WDR7: variants seen among roughly 807,000 people sequenced by gnomAD.
The protein encoded by WDR7 is WD repeat domain 7.
A neutral mutation model predicts 169.4 loss-of-function variants in WDR7; 46 were observed. The ratio of observed to expected loss-of-function variants is 0.27; its 90% confidence interval spans 0.21 to 0.35. The LOEUF is 0.35. WDR7 is among the 10% of genes least tolerant of loss of function. The probability of loss-of-function intolerance (pLI) is 1.00; values close to 1 mark genes in which losing one functional copy is unlikely to be tolerated. For synonymous variants in WDR7, 612 were observed against 666.8 expected, an observed-to-expected ratio of 0.92 and a Z score of 1.27; for missense variants, 1,534 against 1,859.3, an observed-to-expected ratio of 0.83 and a Z score of 3.22.
In WDR7 at chr18:56,765,063, C is replaced by T. The variant is rs185115594; in HGVS notation, c.2848+6110C>T. On this transcript the variant is annotated intron_variant, in intron 16 of 27. Coordinates refer to ENST00000254442, the MANE Select transcript of WDR7 (RefSeq NM_015285.3). ...TTTGTTTATAATAATACAGTAATTT[C>T]AGCATTTTTGGCTACTGTTAACATA... Among the ~76,000 whole-genome samples, 380 of 152,194 alleles carry T rather than the reference C, an allele frequency of 2.5e-3. 2 individuals carry two copies. Among genetic ancestry groups the T allele is most frequent in the African/African-American group, 8.7e-3 (360 of 41,538 alleles).
rs765097662 is a variant in WDR7 at position 56,691,299 on chromosome 18, A to G, written c.801A>G (p.Ser267=). 1.9e-6 allele frequency: 3 copies of G among 1,608,380 alleles called. No homozygotes were observed. Among genetic ancestry groups the G allele is most frequent in the Non-Finnish European group, 2.5e-6 (3 of 1,178,916 alleles). ...GQTWTGGDFV[S]SDKVIIWTEN... The stretch of plus-strand genomic sequence containing the variant: ...CATGGACCGGGGGGGACTTTGTCTC[A>G]TCAGATAAAGTCATCATTTGGACAG... Residue 267 remains serine, a synonymous_variant, in exon 8 of 28, where the codon TCA becomes TCG. Coordinates refer to ENST00000254442, the MANE Select transcript of WDR7 (RefSeq NM_015285.3).
At chr18:56,953,408 A>C (rs1006647823) in intron 25 of WDR7, among the ~76,000 whole-genome samples, 1 of 152,250 alleles carries the variant, frequency 6.6e-6, no homozygotes, top group Non-Finnish European at 1.5e-5. Context: ...CCCAATTCCA[A>C]AATTAGAAAA....
intron 20 of WDR7, among the ~76,000 whole-genome samples, chr18:56,866,321 T>C (rs1188623432): frequency 6.6e-6 from 1 of 152,142 alleles, no homozygotes; most frequent in Non-Finnish European, 1.5e-5. Context: ...TTTTTGTTTT[T>C]TTAAATCTTA....
chr18:56,704,625 A>G (rs1183341699), intron 12 of WDR7, among the ~76,000 whole-genome samples: 1 of 152,218 alleles, frequency 6.6e-6, no homozygotes, highest in Non-Finnish European at 1.5e-5. Flanking sequence ...TTAATGTCTT[A>G]CACCTGTCTC....
At chr18:56,867,621 G>A (rs966913956) in intron 20 of WDR7, among the ~76,000 whole-genome samples, 1 of 152,108 alleles carries the variant, frequency 6.6e-6, no homozygotes, top group African/African-American at 2.4e-5. Flanking sequence ...TTGGAAAAAT[G>A]GCATGACATC....
At chr18:56,685,450 C>G (rs1329548667) in intron 5 of WDR7, among the ~76,000 whole-genome samples, 1 of 152,162 alleles carries the variant, frequency 6.6e-6, no homozygotes, top group Non-Finnish European at 1.5e-5. Flanking sequence ...GACCCTGGTG[C>G]TGTCACTAGT....
intron 12 of WDR7, among the ~76,000 whole-genome samples, chr18:56,708,404 A>C (rs1361255695): frequency 6.6e-6 from 1 of 152,152 alleles, no homozygotes; most frequent in Non-Finnish European, 1.5e-5. Flanking sequence ...ACAGATTAAA[A>C]ATCGCTTGGT....
chr18:56,846,396 A>G (rs1254182906), intron 20 of WDR7, among the ~76,000 whole-genome samples: 1 of 152,002 alleles, frequency 6.6e-6, no homozygotes, highest in Non-Finnish European at 1.5e-5. Context: ...TACTATCCTC[A>G]TGGTAGTGAA....
At chr18:56,773,029 CTG>C (rs1568186413) in intron 16 of WDR7, among the ~76,000 whole-genome samples, 1 of 152,170 alleles carries the variant, frequency 6.6e-6, no homozygotes, top group East Asian at 1.9e-4. Context: ...CGTATTAAAA[CTG>C]TGCTTATATT....
chr18:56,672,246 C>A (rs186694190), intron 1 of WDR7, among the ~76,000 whole-genome samples: 204 of 152,166 alleles, frequency 1.3e-3, no homozygotes, highest in Non-Finnish European at 1.8e-3. Flanking sequence ...GGGGTAAAGA[C>A]CTGTTTATTA....
intron 2 of WDR7, among the ~76,000 whole-genome samples, chr18:56,677,223 C>A (rs1393104774): frequency 6.6e-6 from 1 of 152,128 alleles, no homozygotes; most frequent in Non-Finnish European, 1.5e-5. Flanking sequence ...ATTTCTCTTT[C>A]AGGCTTCAGG....
At chr18:56,947,818 G>A (rs907840625) in intron 25 of WDR7, among the ~76,000 whole-genome samples, 8 of 152,194 alleles carry the variant, frequency 5.3e-5, no homozygotes, top group Admixed American at 3.9e-4. Flanking sequence ...TGTGTGATAC[G>A]CACATGTTCC....
chr18:56,823,712 A>T (rs1485553543), intron 20 of WDR7, among the ~76,000 whole-genome samples: 1 of 152,222 alleles, frequency 6.6e-6, no homozygotes, highest in East Asian at 1.9e-4. Flanking sequence ...TCAAACTTGA[A>T]GTCCAAGGAT....
intron 26 of WDR7, among the ~76,000 whole-genome samples, chr18:56,967,892 G>T (rs1404340738): frequency 3.3e-5 from 5 of 152,088 alleles, no homozygotes. Flanking sequence ...TATATAAATA[G>T]TTATACTGTA....
chr18:57,001,201 A>T (rs543756019), intron 26 of WDR7, among the ~76,000 whole-genome samples: 18 of 152,298 alleles, frequency 1.2e-4, no homozygotes, highest in African/African-American at 4.1e-4. Context: ...GCTTATATTT[A>T]AAAAATATGT....
intron 19 of WDR7, among the ~76,000 whole-genome samples, chr18:56,783,298 ACTTTGT>A (rs1373856642): frequency 4.6e-5 from 7 of 152,168 alleles, no homozygotes; most frequent in African/African-American, 9.6e-5. Context: ...GATGAAAAGA[ACTTTGT>A]CTTTGAGTAG....
At chr18:56,705,887 A>T (rs1034444868) in intron 12 of WDR7, among the ~76,000 whole-genome samples, 1 of 152,140 alleles carries the variant, frequency 6.6e-6, no homozygotes, top group African/African-American at 2.4e-5. Flanking sequence ...AGTCCCAGCT[A>T]CTCGGGAGGC....
At chr18:56,857,042 A>C (rs1237895684) in intron 20 of WDR7, among the ~76,000 whole-genome samples, 1 of 152,204 alleles carries the variant, frequency 6.6e-6, no homozygotes, top group Admixed American at 6.5e-5. Context: ...TCCTGTGAGA[A>C]TGTGTCAAAT....
chr18:56,830,946 GC>G (rs2145280972), intron 20 of WDR7, among the ~76,000 whole-genome samples: 1 of 152,180 alleles, frequency 6.6e-6, no homozygotes, highest in East Asian at 1.9e-4. Flanking sequence ...ACCTCCTCTA[GC>G]ACACTTTTTA....
Sources: gnomAD v4.1 joint callset for allele counts (sites outside exome capture counted in the v4.1 genomes callset) on GRCh38, gnomAD v4.1.1 for gene constraint, MANE v1.5 for transcripts, NCBI Gene and HGNC (gene_info 2026-07-23, HGNC 2026-07-21) for gene names.